The following NRG3 variants were observed in gnomAD, a reference collection of about 807,000 sequenced individuals.
NRG3 encodes pro-neuregulin-3, membrane-bound isoform.
In NRG3, 31 loss-of-function variants were observed where a neutral mutation model predicts 66.9. The ratio of observed to expected loss-of-function variants is 0.46; its 90% CI spans 0.35 to 0.63. The LOEUF (loss-of-function observed/expected upper bound fraction) is 0.63. Ranked by LOEUF, NRG3 falls within the 20% of genes least tolerant of loss-of-function variation. NRG3 has a pLI of 0.00. For synonymous variants in NRG3, 393 were observed against 359.4 expected (o/e 1.09, Z -1.06); for missense variants, 910 against 878.9 (o/e 1.04, Z -0.45).
intron 2 of NRG3, among the ~76,000 whole-genome samples, chr10:82,664,689 A>C (rs1286721558): frequency 6.6e-6 from 1 of 152,040 alleles, no homozygotes. Context: ...AATATGTTTC[A>C]TAACTTTCTC....
At chr10:82,952,196 G>A (rs1849580423) in intron 5 of NRG3, among the ~76,000 whole-genome samples, 1 of 152,120 alleles carries the variant, frequency 6.6e-6, no homozygotes, top group African/African-American at 2.4e-5. Context: ...ACGTTGAGGG[G>A]CCGAGGCAAG....
rs970493313 is a variant in NRG3 at position 82,373,562 on chromosome 10, G to A, written c.953+14694G>A. 2.8e-4 allele frequency among the ~76,000 whole-genome samples: 42 copies of A among 152,200 alleles called. 1 individual carries two copies. The highest frequency in any genetic ancestry group is 8.9e-4 in the African/African-American group (37 of 41,444). On this transcript the variant is annotated intron_variant, in intron 2 of 8. Coordinates refer to ENST00000372141, the MANE Select transcript of NRG3 (RefSeq NM_001010848.4). ...GAGGCTCAGGCTAGTGTATCAGTGG[G>A]TAGCTCCACTGCTGGAGGAAAAACA...
intron 1 of NRG3, among the ~76,000 whole-genome samples, chr10:82,099,791 C>T (rs2066609884): frequency 1.3e-5 from 2 of 151,836 alleles, no homozygotes; most frequent in African/African-American, 4.8e-5. Flanking sequence ...GCAAGACTTC[C>T]TCTCTACAAA....
At chr10:81,897,912 G>A (rs533693719) in intron 1 of NRG3, among the ~76,000 whole-genome samples, 11 of 152,168 alleles carry the variant, frequency 7.2e-5, no homozygotes, top group East Asian at 1.9e-4. Flanking sequence ...TTAATCCAGC[G>A]TGCATTTTTA....
intron 4 of NRG3, among the ~76,000 whole-genome samples, chr10:82,877,370 AC>A (rs1841917487): frequency 8.6e-6 from 1 of 116,560 alleles, no homozygotes; most frequent in Non-Finnish European, 1.7e-5. Context: ...CATAGGGCAG[AC>A]TTTTTTTTTT....
chr10:82,624,442 G>C (rs1160417249), intron 2 of NRG3, among the ~76,000 whole-genome samples: 1 of 151,358 alleles, frequency 6.6e-6, no homozygotes, highest in Non-Finnish European at 1.5e-5. Context: ...TTTTTCCCTT[G>C]TGGCAAAATC....
chr10:82,925,737 G>T (rs1846919429), intron 4 of NRG3, among the ~76,000 whole-genome samples: 1 of 152,170 alleles, frequency 6.6e-6, no homozygotes, highest in South Asian at 2.1e-4. Flanking sequence ...ATTATGAAAA[G>T]TCACTCTTTC....
At chr10:82,471,845 T>C (rs980709146) in intron 2 of NRG3, among the ~76,000 whole-genome samples, 2 of 151,220 alleles carry the variant, frequency 1.3e-5, no homozygotes, top group Middle Eastern at 3.4e-3. Flanking sequence ...GCTGAGATGG[T>C]GCCATTGCAC....
intron 1 of NRG3, among the ~76,000 whole-genome samples, chr10:81,988,911 G>A (rs1336027366): frequency 6.6e-6 from 1 of 150,432 alleles, no homozygotes. Flanking sequence ...AACCTTTGTT[G>A]ATGCATAAGG....
At chr10:82,682,365 GGATA>G (rs1213052884) in intron 2 of NRG3, among the ~76,000 whole-genome samples, 8 of 151,364 alleles carry the variant, frequency 5.3e-5, no homozygotes, top group African/African-American at 1.2e-4. Context: ...TAAGATAGAT[GGATA>G]GATAGATGAT....
At chr10:82,779,378 A>G (rs535584462) in intron 3 of NRG3, among the ~76,000 whole-genome samples, 3 of 152,206 alleles carry the variant, frequency 2.0e-5, no homozygotes, top group Admixed American at 2.0e-4. Context: ...TCTTATCTCT[A>G]TGCAGCCCTT....
intron 4 of NRG3, among the ~76,000 whole-genome samples, chr10:82,909,690 G>A (rs982339573): frequency 6.6e-6 from 1 of 152,160 alleles, no homozygotes; most frequent in African/African-American, 2.4e-5. Flanking sequence ...ACTCACTGAA[G>A]TTTTTGGCTT....
chr10:82,292,328 A>G (rs906404619), intron 1 of NRG3, among the ~76,000 whole-genome samples: 9 of 152,198 alleles, frequency 5.9e-5, no homozygotes, highest in Non-Finnish European at 1.2e-4. Flanking sequence ...AAGTAGTGAC[A>G]ACACCAAATT....
chr10:82,299,697 C>CGGG (rs2080284138), intron 1 of NRG3, among the ~76,000 whole-genome samples: 1 of 152,058 alleles, frequency 6.6e-6, no homozygotes. Context: ...TGACACCCTG[C>CGGG]GGGAGGCAAG....
chr10:82,454,289 A>G (rs981667711), intron 2 of NRG3, among the ~76,000 whole-genome samples: 1 of 152,184 alleles, frequency 6.6e-6, no homozygotes, highest in Non-Finnish European at 1.5e-5. Context: ...ATCTGTATTA[A>G]CAATTTTACC....
intron 4 of NRG3, among the ~76,000 whole-genome samples, chr10:82,899,799 C>T (rs1844033090): frequency 6.6e-6 from 1 of 152,070 alleles, no homozygotes; most frequent in African/African-American, 2.4e-5. Flanking sequence ...AATTAGACAT[C>T]CTCAAGTACT....
chr10:82,242,058 T>C (rs188744397), intron 1 of NRG3, among the ~76,000 whole-genome samples: 2,135 of 152,288 alleles, frequency 0.014, 16 homozygotes, highest in Admixed American at 0.028. Context: ...AAAATATTTT[T>C]ATCTGGGAAA....
intron 1 of NRG3, among the ~76,000 whole-genome samples, chr10:82,317,670 A>ATGTTTT (rs1276334925): frequency 6.6e-6 from 1 of 152,218 alleles, no homozygotes; most frequent in Non-Finnish European, 1.5e-5. Context: ...GCATATGATC[A>ATGTTTT]TGTTTGTGGC....
At chr10:81,952,038 C>T (rs556732597) in intron 1 of NRG3, among the ~76,000 whole-genome samples, 29 of 151,922 alleles carry the variant, frequency 1.9e-4, no homozygotes, top group South Asian at 6.2e-4. Flanking sequence ...AACCAAACAC[C>T]GCATGTTCTC....
Sources: gnomAD v4.1 joint callset for allele counts (sites outside exome capture counted in the v4.1 genomes callset) on GRCh38, gnomAD v4.1.1 for gene constraint, MANE v1.5 for transcripts, NCBI Gene and HGNC (gene_info 2026-07-23, HGNC 2026-07-21) for gene names.